DCLK1: variants seen among roughly 807,000 people sequenced by gnomAD.
The protein encoded by DCLK1 is serine/threonine-protein kinase DCLK1.
DCLK1 carries 16 observed loss-of-function variants against 86.2 expected under a neutral mutation model. The ratio of observed to expected loss-of-function variants is 0.19; its 90% CI spans 0.13 to 0.28. DCLK1 has a LOEUF of 0.28. Among genes scored for constraint, DCLK1 ranks in the 10% least tolerant of loss-of-function variants. DCLK1 has a pLI of 1.00. For missense variants in DCLK1, 590 were observed against 940.2 expected, an observed-to-expected ratio of 0.63 and a Z score of 4.87; for synonymous variants, 369 against 370.5, an observed-to-expected ratio of 1.00 and a Z score of 0.05.
intron 3 of DCLK1, among the ~76,000 whole-genome samples, chr13:36,098,663 G>A (rs1282830971): frequency 6.6e-6 from 1 of 152,174 alleles, no homozygotes; most frequent in African/African-American, 2.4e-5. Context: ...GCCCCAAAAT[G>A]TAGGTATGTG....
intron 10 of DCLK1, among the ~76,000 whole-genome samples, chr13:35,826,495 C>T (rs534594355): frequency 1.3e-4 from 16 of 124,768 alleles, no homozygotes; most frequent in African/African-American, 4.4e-4. Flanking sequence ...TGCATTCCAG[C>T]CTGGGCAGCA....
chr13:35,845,732 G>A (rs868242624), intron 6 of DCLK1, among the ~76,000 whole-genome samples: 4 of 152,136 alleles, frequency 2.6e-5, no homozygotes, highest in Non-Finnish European at 4.4e-5. Flanking sequence ...TACTTTAGAC[G>A]TTATGTGGTA....
intron 4 of DCLK1, among the ~76,000 whole-genome samples, chr13:35,882,560 G>T (rs561127732): frequency 6.6e-6 from 1 of 152,278 alleles, no homozygotes; most frequent in South Asian, 2.1e-4. Context: ...TATCCTTAGA[G>T]TAGCCTGTAA....
At chr13:36,018,341 C>A (rs1396920226) in intron 3 of DCLK1, among the ~76,000 whole-genome samples, 4 of 152,070 alleles carry the variant, frequency 2.6e-5, no homozygotes, top group African/African-American at 7.2e-5. Context: ...CTTAAGGGAG[C>A]AAATTTGATT....
At chr13:35,864,363 A>G (rs1412826602) in intron 5 of DCLK1, among the ~76,000 whole-genome samples, 1 of 95,460 alleles carries the variant, frequency 1.0e-5, no homozygotes, top group African/African-American at 4.2e-5. Context: ...CAGGAGATCG[A>G]GACCATCCCG....
At chr13:35,863,490 T>C (rs1378973785) in intron 5 of DCLK1, among the ~76,000 whole-genome samples, 1 of 152,070 alleles carries the variant, frequency 6.6e-6, no homozygotes, top group Non-Finnish European at 1.5e-5. Flanking sequence ...TCTTTGGAGG[T>C]TCTGCTGGGG....
intron 6 of DCLK1, among the ~76,000 whole-genome samples, chr13:35,852,007 G>C (rs1308126467): frequency 6.6e-6 from 1 of 151,978 alleles, no homozygotes; most frequent in Non-Finnish European, 1.5e-5. Flanking sequence ...GTGTGTGTGT[G>C]TGTGTGTGTG....
chr13:35,987,365 G>A (rs1024378215), intron 3 of DCLK1, among the ~76,000 whole-genome samples: 1 of 152,186 alleles, frequency 6.6e-6, no homozygotes, highest in Non-Finnish European at 1.5e-5. Context: ...CCTTTTTAGA[G>A]GCAAGGGGGA....
intron 3 of DCLK1, among the ~76,000 whole-genome samples, chr13:36,089,172 G>A (rs570088458): frequency 2.6e-5 from 4 of 152,006 alleles, no homozygotes; most frequent in Admixed American, 6.6e-5. Flanking sequence ...TTTTTCTAGC[G>A]TCTTCAATGG....
chr13:36,074,254 G>C (rs1884085113), intron 3 of DCLK1, among the ~76,000 whole-genome samples: 1 of 151,960 alleles, frequency 6.6e-6, no homozygotes, highest in South Asian at 2.1e-4. Context: ...TGTAATCCCA[G>C]CACTTTGGGA....
chr13:36,114,088 C>A (rs926370771), intron 2 of DCLK1, among the ~76,000 whole-genome samples: 2 of 152,112 alleles, frequency 1.3e-5, no homozygotes, highest in East Asian at 3.8e-4. Context: ...AACAAAGATA[C>A]AGAGAGCAGT....
chr13:35,965,881 A>C (rs1320294883), intron 3 of DCLK1, among the ~76,000 whole-genome samples: 1 of 152,212 alleles, frequency 6.6e-6, no homozygotes, highest in African/African-American at 2.4e-5. Flanking sequence ...AGAGACTGTA[A>C]GGGATCTGAA....
At chr13:36,029,626 T>C (rs1882187565) in intron 3 of DCLK1, among the ~76,000 whole-genome samples, 1 of 152,194 alleles carries the variant, frequency 6.6e-6, no homozygotes, top group South Asian at 2.1e-4. Context: ...GAACCTGATT[T>C]TGAGACACAA....
At chr13:36,023,166 T>C (rs1049302990) in intron 3 of DCLK1, among the ~76,000 whole-genome samples, 2 of 152,200 alleles carry the variant, frequency 1.3e-5, no homozygotes, top group African/African-American at 4.8e-5. Flanking sequence ...GATAGATAGA[T>C]GTGCATAGAT....
chr13:36,074,102 T>C (rs978576530), intron 3 of DCLK1, among the ~76,000 whole-genome samples: 2 of 152,210 alleles, frequency 1.3e-5, no homozygotes, highest in African/African-American at 4.8e-5. Context: ...AGACACAGTC[T>C]GGTATCAGTG....
intron 6 of DCLK1, among the ~76,000 whole-genome samples, chr13:35,845,238 ACT>A (rs1461190083): frequency 1.3e-5 from 2 of 151,970 alleles, no homozygotes; most frequent in African/African-American, 4.8e-5. Flanking sequence ...ACAGAGCAAG[ACT>A]CTGTCTCAGA....
At chr13:35,835,756 C>T (rs998765990) in intron 8 of DCLK1, among the ~76,000 whole-genome samples, 13 of 152,092 alleles carry the variant, frequency 8.5e-5, no homozygotes, top group African/African-American at 2.4e-4. Flanking sequence ...TGGTTTTTAA[C>T]AACAATAAAA....
chr13:35,865,228 AGAGT>A (rs773088837), intron 5 of DCLK1, among the ~76,000 whole-genome samples: 3 of 152,218 alleles, frequency 2.0e-5, no homozygotes, highest in Non-Finnish European at 4.4e-5. Context: ...CTTGGGTGAC[AGAGT>A]GAGACCCTGT....
chr13:35,789,669 G>A (rs2086678880), intron 16 of DCLK1, among the ~76,000 whole-genome samples: 1 of 152,126 alleles, frequency 6.6e-6, no homozygotes, highest in African/African-American at 2.4e-5. Flanking sequence ...AAAGCATTAG[G>A]AAAATTATTG....
Sources: gnomAD v4.1 joint callset for allele counts (sites outside exome capture counted in the v4.1 genomes callset) on GRCh38, gnomAD v4.1.1 for gene constraint, MANE v1.5 for transcripts, NCBI Gene and HGNC (gene_info 2026-07-23, HGNC 2026-07-21) for gene names.